The following TUSC3 variants were observed in gnomAD, a reference collection of about 807,000 sequenced individuals.
TUSC3 encodes the protein dolichyl-diphosphooligosaccharide--protein glycosyltransferase subunit TUSC3.
TUSC3 carries 45 observed loss-of-function variants against 44.8 expected under a neutral mutation model. The ratio of observed to expected loss-of-function variants is 1.00; its 90% CI spans 0.79 to 1.29. The LOEUF (loss-of-function observed/expected upper bound fraction) is 1.29. Ranked by LOEUF, TUSC3 falls within the 50% of genes most tolerant of loss-of-function variation. TUSC3 has a pLI of 0.00. For synonymous variants in TUSC3, 212 were observed against 152.9 expected (o/e 1.39, Z -2.85); for missense variants, 519 against 437.9 (o/e 1.19, Z -1.65).
At chr8:15,807,724 C>T in the TUSC3 span, among the ~76,000 whole-genome samples, 1 of 152,142 alleles carries the variant, frequency 6.6e-6, no homozygotes, top group Non-Finnish European at 1.5e-5. Flanking sequence ...AATGTGGATG[C>T]AGCTGGAGGC....
chr8:15,721,959 T>C (rs1398253855), intron 6 of TUSC3, among the ~76,000 whole-genome samples: 2 of 152,036 alleles, frequency 1.3e-5, no homozygotes, highest in Admixed American at 6.6e-5. Context: ...GTATTATATT[T>C]TTGTTGTCTC....
the TUSC3 span, among the ~76,000 whole-genome samples, chr8:15,795,469 A>C: frequency 6.6e-6 from 1 of 152,194 alleles, no homozygotes; most frequent in Non-Finnish European, 1.5e-5. Context: ...CACACGTTGC[A>C]CATTAAAAAA....
chr8:15,610,241 G>A (rs1029283362), intron 1 of TUSC3, among the ~76,000 whole-genome samples: 2 of 151,990 alleles, frequency 1.3e-5, no homozygotes, highest in Non-Finnish European at 2.9e-5. Flanking sequence ...TCATTGATCC[G>A]ATTTTGTTAT....
Position 15,766,439 on chromosome 8 carries a change from T to C in TUSC3, c.*2283T>C, listed in dbSNP as rs960356882. ...TGTTATATCCTCCAGTGTCACTTTT[T>C]AACCAGATTCACTGTGCGTTCCAAA... On this transcript the variant is annotated 3_prime_UTR_variant, in exon 11 of 11. Transcript: ENST00000503731. The C allele has an allele frequency of 7.9e-5, 12 of 152,246 alleles. No homozygotes were observed. Among genetic ancestry groups the C allele is most frequent in the Admixed American group, 7.9e-4 (12 of 15,266 alleles). The allele number at this position is 152,246 out of a possible 1,614,324, so 9.4% of individuals were successfully genotyped here. A position where few individuals can be genotyped will look rare whatever the true frequency, so the allele number is the denominator to read the frequency against.
chr8:15,684,903 G>C (rs1331283043), intron 6 of TUSC3, among the ~76,000 whole-genome samples: 3 of 152,124 alleles, frequency 2.0e-5, no homozygotes, highest in Non-Finnish European at 4.4e-5. Context: ...CTGTGCTGTG[G>C]GCACACTTCT....
intron 6 of TUSC3, among the ~76,000 whole-genome samples, chr8:15,694,829 ACAC>A: frequency 6.6e-6 from 1 of 152,050 alleles, no homozygotes; most frequent in Non-Finnish European, 1.5e-5. Context: ...GCTGGTCACA[ACAC>A]TCCCATGAGT....
At chr8:15,581,934 C>G (rs1222464315) in intron 1 of TUSC3, among the ~76,000 whole-genome samples, 1 of 149,280 alleles carries the variant, frequency 6.7e-6, no homozygotes, top group Non-Finnish European at 1.5e-5. Flanking sequence ...AGTTTGATCT[C>G]AGACTGCTGT....
At chr8:15,708,255 A>C (rs916759330) in intron 6 of TUSC3, among the ~76,000 whole-genome samples, 5 of 151,930 alleles carry the variant, frequency 3.3e-5, no homozygotes, top group African/African-American at 1.2e-4. Flanking sequence ...ATGTAGAGGA[A>C]ATGGAATAAA....
chr8:15,651,894 G>T (rs958621432), intron 3 of TUSC3, among the ~76,000 whole-genome samples: 1 of 152,150 alleles, frequency 6.6e-6, no homozygotes, highest in Non-Finnish European at 1.5e-5. Flanking sequence ...CTTATGTCCA[G>T]GCACTGTTCA....
chr8:15,665,945 C>G (rs981546482), intron 5 of TUSC3, among the ~76,000 whole-genome samples: 4 of 151,282 alleles, frequency 2.6e-5, no homozygotes, highest in African/African-American at 4.8e-5. Flanking sequence ...TCTGTCTTCC[C>G]TCACCCCCTA....
At chr8:15,658,738 G>A (rs1304962230) in intron 3 of TUSC3, among the ~76,000 whole-genome samples, 1 of 150,406 alleles carries the variant, frequency 6.6e-6, no homozygotes, top group Non-Finnish European at 1.5e-5. Context: ...TATATTTGTA[G>A]TTTATTGCTT....
Position 15,702,941 on chromosome 8 carries a change from T to G in TUSC3, c.799-27725T>G, listed in dbSNP as rs559586605. On this transcript the variant is annotated intron_variant, in intron 6 of 10. Coordinates refer to ENST00000503731, the MANE Select transcript of TUSC3 (RefSeq NM_006765.4). The stretch of plus-strand genomic sequence containing the variant: ...GATGAGCTGAAATTGTTTACGTGCA[T>G]GATGCCAAGAAGTATACTGTCCCAG... Among the ~76,000 whole-genome samples, 10 of 152,266 alleles carry G rather than the reference T, an allele frequency of 6.6e-5. No homozygotes were observed. In the South Asian group the frequency reaches 2.1e-3, roughly 32 times the overall value.
At chr8:15,675,940 G>T (rs1220568132) in intron 6 of TUSC3, among the ~76,000 whole-genome samples, 1 of 152,028 alleles carries the variant, frequency 6.6e-6, no homozygotes, top group East Asian at 1.9e-4. Context: ...ATTTTCCTTT[G>T]GGTATATACC....
chr8:15,446,854 A>T (rs916473211), intron 1 of TUSC3, among the ~76,000 whole-genome samples: 3 of 151,460 alleles, frequency 2.0e-5, no homozygotes, highest in African/African-American at 7.3e-5. Flanking sequence ...ATGTGGAGAG[A>T]AAAAAAATGG....
At chr8:15,577,356 C>T (rs541858170) in intron 1 of TUSC3, among the ~76,000 whole-genome samples, 15 of 151,870 alleles carry the variant, frequency 9.9e-5, no homozygotes, top group Non-Finnish European at 1.3e-4. Context: ...GTTGCCATTG[C>T]TTTTGGTGTT....
intron 6 of TUSC3, among the ~76,000 whole-genome samples, chr8:15,705,582 G>A (rs536206100): frequency 1.3e-5 from 2 of 152,152 alleles, no homozygotes; most frequent in Admixed American, 1.3e-4. Context: ...TTCACAAAGC[G>A]CTGATAGCTT....
chr8:15,748,547 G>T, intron 9 of TUSC3, 82 bp downstream of exon 9: 1 of 1,271,832 alleles, frequency 7.9e-7, no homozygotes, highest in Non-Finnish European at 1.1e-6. Flanking sequence ...AATTAAGGAT[G>T]AATGTAAAGT....
intron 7 of TUSC3, chr8:15,733,431 A>C (rs564096561): frequency 4.7e-5 from 18 of 383,378 alleles, no homozygotes; most frequent in Non-Finnish European, 8.7e-5. Flanking sequence ...AGTGATGACT[A>C]TCGAAACACA....
At chr8:15,586,921 T>G (rs1321245257) in intron 1 of TUSC3, among the ~76,000 whole-genome samples, 3 of 152,194 alleles carry the variant, frequency 2.0e-5, no homozygotes, top group Non-Finnish European at 4.4e-5. Flanking sequence ...TTTGAAATTC[T>G]TAATTTTGTA....
Sources: allele counts gnomAD v4.1 joint callset (sites outside exome capture counted in the v4.1 genomes callset), GRCh38; gene constraint gnomAD v4.1.1; transcripts MANE v1.5; gene names NCBI Gene and HGNC (gene_info 2026-07-23, HGNC 2026-07-21).